The following NUP93 variants were observed in gnomAD, a reference collection of about 807,000 sequenced individuals.
The protein encoded by NUP93 is nucleoporin 93, also known as nuclear pore complex protein Nup93.
NUP93 carries 55 observed loss-of-function variants against 107.8 expected under a neutral mutation model. The observed-to-expected ratio is 0.51, with a 90% CI of 0.41 to 0.64. NUP93 has a LOEUF of 0.64. Among genes scored for constraint, NUP93 ranks in the 30% least tolerant of loss-of-function variants. The probability of loss-of-function intolerance (pLI) is 0.00; values close to 1 mark genes in which losing one functional copy is unlikely to be tolerated. For missense variants in NUP93, 937 were observed against 1,044.7 expected (o/e 0.90, Z 1.42); for synonymous variants, 390 against 397.5 (o/e 0.98, Z 0.22).
rs542609280 is a variant in NUP93, at chr16:56,821,281, G to A, written c.565-223G>A. Among the ~76,000 whole-genome samples the A allele has an allele frequency of 1.4e-3, 206 of 152,204 alleles. 1 individual carries two copies. Among genetic ancestry groups the A allele is most frequent in the Middle Eastern group, 0.01 (3 of 294 alleles). On this transcript the variant is annotated intron_variant, in intron 6 of 21. Coordinates refer to ENST00000308159, the MANE Select transcript of NUP93 (RefSeq NM_014669.5). Reference sequence around the variant, plus strand: ...TGTGGTTCTTCTCCCCCTGGACCCCGCTGCTCCCGTTCCTCAGGTGTTTGG... The same window carrying A: ...TGTGGTTCTTCTCCCCCTGGACCCCACTGCTCCCGTTCCTCAGGTGTTTGG...
At chr16:56,762,927 ACCAGTCATTGGATTTAGGACC>A (rs1476563007) in intron 3 of NUP93, among the ~76,000 whole-genome samples, 1 of 152,118 alleles carries the variant, frequency 6.6e-6, no homozygotes, top group Non-Finnish European at 1.5e-5. Context: ...ATATAAGGAC[ACCAGTCATTGGATTTAGGACC>A]CACCCTAAAT....
chr16:56,834,492 C>T (rs1202318193), intron 15 of NUP93, 50 bp downstream of exon 15: 3 of 1,559,778 alleles, frequency 1.9e-6, no homozygotes, highest in East Asian at 2.2e-5. Context: ...GTGTGCATGT[C>T]CCATGCTCAT....
intron 20 of NUP93, among the ~76,000 whole-genome samples, chr16:56,840,178 G>A (rs139475554): frequency 2.0e-5 from 3 of 152,148 alleles, no homozygotes; most frequent in Middle Eastern, 3.4e-3. Context: ...CCGCCAACAC[G>A]CCCAGCTAAT....
intron 21 of NUP93, chr16:56,842,536 G>C (rs1360213699): frequency 1.4e-5 from 6 of 432,036 alleles, no homozygotes; most frequent in Non-Finnish European, 2.7e-5. Flanking sequence ...ACCATAAGGG[G>C]ACAGTCCAAT....
At chr16:56,814,660 T>G (rs1216922711) in intron 5 of NUP93, among the ~76,000 whole-genome samples, 1 of 152,240 alleles carries the variant, frequency 6.6e-6, no homozygotes, top group Non-Finnish European at 1.5e-5. Context: ...CACCATCTAC[T>G]CTGACGAGAC....
chr16:56,772,196 A>C (rs1962334828), intron 3 of NUP93, among the ~76,000 whole-genome samples: 1 of 152,122 alleles, frequency 6.6e-6, no homozygotes, highest in Non-Finnish European at 1.5e-5. Context: ...AGGGCAGAAA[A>C]AGGATAAAGA....
In NUP93 at chr16:56,831,870, C is replaced by T. The variant is rs750228534; in HGVS notation, c.1114C>T (p.Arg372Trp). The T allele has an allele frequency of 2.5e-5, 41 of 1,614,056 alleles. No homozygotes were observed. The highest frequency in any genetic ancestry group is 1.4e-4 in the South Asian group (13 of 91,068). ...RLSPATENKL[R>W]LHYRRALRNN... ...GTCCCCAGCTACGGAAAACAAGCTC[C>T]GGCTGCATTACCGTAGGGCCCTCAG... The change falls in exon 11 of 22, where the codon CGG becomes TGG. Residue 372 changes from arginine to tryptophan, a missense_variant. Physicochemically the swap from Arg to Trp is moderately radical, Grantham distance 101. Transcript: ENST00000308159.
Position 56,758,594 on chromosome 16 carries a change from A to G in NUP93, c.236A>G (p.Glu79Gly). Residue 79 changes from glutamate (E) to glycine (G), a missense_variant, in exon 3 of 22, where the codon GAG becomes GGG. Coordinates refer to ENST00000308159, the MANE Select transcript of NUP93 (RefSeq NM_014669.5). ...ATATCCCACATCTCCCAGCGATTGG[A>G]GAGTCTGAGTGCAGCCACCACCTTT... ...LDISHISQRL[E>G]SLSAATTFEP... 6.2e-7 allele frequency: 1 copy of G among 1,613,888 alleles called. No individual in the cohort carries two copies. Among genetic ancestry groups the G allele is most frequent in the Non-Finnish European group, 8.5e-7 (1 of 1,179,856 alleles).
At chr16:56,839,279 T>C (rs2144646400) in intron 19 of NUP93, 1 of 318,344 alleles carries the variant, frequency 3.1e-6, no homozygotes, top group Non-Finnish European at 5.7e-6. Context: ...CTTTCCCCTT[T>C]AATCTGAAAA....
chr16:56,834,809 C>G, intron 16 of NUP93, 31 bp downstream of exon 16: 1 of 1,524,964 alleles, frequency 6.6e-7, no homozygotes, highest in Non-Finnish European at 9.1e-7. Context: ...GAGAAATGTT[C>G]GTTAGCCATT....
chr16:56,763,565 T>C (rs1355952932), intron 3 of NUP93, among the ~76,000 whole-genome samples: 1 of 151,816 alleles, frequency 6.6e-6, no homozygotes, highest in Admixed American at 6.6e-5. Flanking sequence ...CCATTCTTTT[T>C]TCTTTTATAA....
intron 3 of NUP93, among the ~76,000 whole-genome samples, chr16:56,789,251 G>T (rs137924299): frequency 3.3e-5 from 5 of 152,300 alleles, no homozygotes; most frequent in African/African-American, 4.8e-5. Flanking sequence ...AGGAGGCATT[G>T]CCCAGTGCCA....
chr16:56,775,285 C>G (rs1474476555), intron 3 of NUP93, among the ~76,000 whole-genome samples: 1 of 152,190 alleles, frequency 6.6e-6, no homozygotes, highest in Non-Finnish European at 1.5e-5. Context: ...CCAAGAAACA[C>G]TACAGTTGGA....
chr16:56,776,976 C>G (rs1962426387), intron 3 of NUP93, among the ~76,000 whole-genome samples: 1 of 152,224 alleles, frequency 6.6e-6, no homozygotes, highest in Non-Finnish European at 1.5e-5. Context: ...TTTGTTCCCT[C>G]TGTCTAAATA....
intron 3 of NUP93, among the ~76,000 whole-genome samples, chr16:56,781,427 A>G (rs571352980): frequency 3.3e-5 from 5 of 152,194 alleles, no homozygotes; most frequent in African/African-American, 1.2e-4. Flanking sequence ...ATGCTTCTGT[A>G]TGTTGTATCT....
Position 56,848,811 on chromosome 16 carries a change from C to T in NUP93, c.*4202C>T, listed in dbSNP as rs1478968023. ...TTGTGTGCTGGGCCGTGCTAGGTAG[C>T]TGGAATATCTGAGGTAAATTAAGCA... On this transcript the variant is annotated 3_prime_UTR_variant, in exon 22 of 22. Coordinates refer to ENST00000308159, the MANE Select transcript of NUP93 (RefSeq NM_014669.5). The T allele has an allele frequency of 6.6e-6, 1 of 152,160 alleles. No individual in the cohort carries two copies. The highest frequency in any genetic ancestry group is 2.4e-5 in the African/African-American group (1 of 41,426). The allele number at this position is 152,160 out of a possible 1,614,324, so 9.4% of individuals were successfully genotyped here.
chr16:56,756,857 T>A (rs1596774563), intron 2 of NUP93, among the ~76,000 whole-genome samples: 1 of 152,230 alleles, frequency 6.6e-6, no homozygotes, highest in Non-Finnish European at 1.5e-5. Context: ...AGATGGTATC[T>A]CATTGTGGTT....
intron 3 of NUP93, among the ~76,000 whole-genome samples, chr16:56,768,333 G>T (rs1011742647): frequency 3.3e-5 from 5 of 151,446 alleles, no homozygotes; most frequent in Admixed American, 6.6e-5. Flanking sequence ...GGAGGCTGAG[G>T]TGGGTGGATC....
intron 8 of NUP93, among the ~76,000 whole-genome samples, chr16:56,826,790 G>T (rs1963670336): frequency 6.6e-6 from 1 of 151,676 alleles, no homozygotes; most frequent in Non-Finnish European, 1.5e-5. Flanking sequence ...TCTCACGTCT[G>T]TAATCCCAGC....
Sources: allele counts gnomAD v4.1 joint callset (sites outside exome capture counted in the v4.1 genomes callset), GRCh38; gene constraint gnomAD v4.1.1; transcripts MANE v1.5; gene names NCBI Gene and HGNC (gene_info 2026-07-23, HGNC 2026-07-21).